Variants in KIAA1217 observed in about 807,000 individuals in gnomAD.
The protein encoded by KIAA1217 is sickle tail protein homolog.
In KIAA1217, 88 loss-of-function variants were observed where a neutral mutation model predicts 163.9. That is an observed-to-expected ratio of 0.54 (90% confidence interval 0.45 to 0.64). The LOEUF is 0.64. Ranked by LOEUF, KIAA1217 falls within the 30% of genes least tolerant of loss-of-function variation. The pLI, the probability that KIAA1217 is intolerant of heterozygous loss-of-function variation, is 0.00. For missense variants in KIAA1217, 2,372 were observed against 2,475.0 expected (o/e 0.96, Z 0.88); for synonymous variants, 903 against 923.1 (o/e 0.98, Z 0.39).
chr10:24,419,788 T>C (rs919211688), intron 3 of KIAA1217, among the ~76,000 whole-genome samples: 2 of 152,152 alleles, frequency 1.3e-5, no homozygotes, highest in Admixed American at 1.3e-4. Flanking sequence ...CATGCACATT[T>C]TGGGCTTCCA....
At chr10:24,348,090 C>T (rs757780370) in intron 2 of KIAA1217, among the ~76,000 whole-genome samples, 13 of 152,190 alleles carry the variant, frequency 8.5e-5, no homozygotes, top group Non-Finnish European at 1.8e-4. Flanking sequence ...GGTGCAGTGG[C>T]TCACGCCTGT....
intron 1 of KIAA1217, among the ~76,000 whole-genome samples, chr10:23,857,358 A>G (rs572748912): frequency 1.9e-4 from 29 of 152,336 alleles, no homozygotes; most frequent in African/African-American, 7.0e-4. Context: ...TTAGAGAGAA[A>G]AAGGACAGGA....
chr10:24,391,208 G>A (rs769805568), intron 3 of KIAA1217, among the ~76,000 whole-genome samples: 75 of 152,048 alleles, frequency 4.9e-4, no homozygotes, highest in Non-Finnish European at 9.1e-4. Flanking sequence ...TGACAAAGGT[G>A]TCAACCCTCA....
Position 24,219,623 on chromosome 10 carries a change from C to A in KIAA1217, c.71-3C>A. ...TTGTGAACCGAATTTTTTTGTCTTT[C>A]AGAACAAGGCAAAGGCAATCTGCAT... On this transcript the variant is annotated splice_region_variant and splice_polypyrimidine_tract_variant and intron_variant, in intron 1 of 20. Transcript: ENST00000376454. 1 of 1,566,364 alleles carries A rather than the reference C, an allele frequency of 6.4e-7. No homozygotes were observed. Among genetic ancestry groups the A allele is most frequent in the Non-Finnish European group, 8.7e-7 (1 of 1,155,834 alleles).
In KIAA1217 at chr10:24,422,426, A is replaced by G. The variant is rs1395435985; in HGVS notation, c.554-10569A>G. ...ATTCGTAATTAGAATAGTGTTCCTC[A>G]CAGCATTTTCTTATAATATTTTCTC... On this transcript the variant is annotated intron_variant, in intron 3 of 20. Transcript: ENST00000376454. Among the ~76,000 whole-genome samples the G allele has an allele frequency of 2.0e-5, 3 of 151,884 alleles. No individual in the cohort carries two copies. In the South Asian group the frequency reaches 6.2e-4, roughly 32 times the overall value.
intron 2 of KIAA1217, among the ~76,000 whole-genome samples, chr10:24,150,906 A>G (rs1024746426): frequency 2.0e-5 from 3 of 152,186 alleles, no homozygotes; most frequent in African/African-American, 7.2e-5. Context: ...CTGAGGCAGC[A>G]TGCTCCTGGC....
At chr10:23,859,442 AG>A (rs1564484324) in intron 1 of KIAA1217, among the ~76,000 whole-genome samples, 3 of 152,232 alleles carry the variant, frequency 2.0e-5, no homozygotes, top group African/African-American at 7.2e-5. Flanking sequence ...TTTCTAATCT[AG>A]GTTGAAATAA....
chr10:23,942,902 G>A (rs554542595), intron 1 of KIAA1217, among the ~76,000 whole-genome samples: 1 of 148,602 alleles, frequency 6.7e-6, no homozygotes, highest in South Asian at 2.2e-4. Context: ...GAGGCCAGGA[G>A]TTCAAGATCA....
At chr10:23,774,511 G>A (rs139424816) in intron 1 of KIAA1217, among the ~76,000 whole-genome samples, 77 of 152,306 alleles carry the variant, frequency 5.1e-4, no homozygotes, top group African/African-American at 1.8e-3. Flanking sequence ...GGATGACCTG[G>A]GGCCCACTGC....
In KIAA1217 at chr10:24,542,774, A is replaced by G; in HGVS notation, c.3612+4A>G. The stretch of plus-strand genomic sequence containing the variant: ...CCCCCAAATGGAATTCCAAAAGGTG[A>G]GTTCACCAGATCTGGGTTCCGACCA... On this transcript the variant is annotated splice_donor_region_variant and intron_variant, in intron 18 of 20. Coordinates refer to ENST00000376454, the MANE Select transcript of KIAA1217 (RefSeq NM_019590.5). 6.2e-7 allele frequency: 1 copy of G among 1,613,888 alleles called. No homozygotes were observed. The highest frequency in any genetic ancestry group is 1.7e-5 in the Admixed American group (1 of 60,034).
At chr10:24,395,407 C>T (rs1182582866) in intron 3 of KIAA1217, among the ~76,000 whole-genome samples, 1 of 152,190 alleles carries the variant, frequency 6.6e-6, no homozygotes, top group Non-Finnish European at 1.5e-5. Context: ...AAGGATTTCC[C>T]ACACCAGTGT....
intron 2 of KIAA1217, among the ~76,000 whole-genome samples, chr10:24,351,304 T>A (rs2048431243): frequency 6.6e-6 from 1 of 152,316 alleles, no homozygotes. Context: ...AAAATTTCTA[T>A]CTGGTTTTCT....
Position 23,772,604 on chromosome 10 carries a change from C to G in KIAA1217, c.-321+77370C>G, listed in dbSNP as rs191823608. ...AGTTTATAAATTCAGAAATGTGATA[C>G]TCTGGGTGGAAGGCCACACATCTCT... On this transcript the variant is annotated intron_variant, in intron 1 of 18. Coordinates refer to the KIAA1217 transcript ENST00000376462. Among the ~76,000 whole-genome samples the G allele has an allele frequency of 6.8e-4, 103 of 152,202 alleles. 1 individual carries two copies. The highest frequency in any genetic ancestry group is 2.1e-3 in the African/African-American group (89 of 41,544).
At chr10:24,454,361 A>T (rs1419502304) in intron 5 of KIAA1217, among the ~76,000 whole-genome samples, 1 of 152,182 alleles carries the variant, frequency 6.6e-6, no homozygotes, top group East Asian at 1.9e-4. Context: ...CGACACATGT[A>T]TTTGATTTCT....
intron 2 of KIAA1217, among the ~76,000 whole-genome samples, chr10:24,130,258 C>T (rs1201186427): frequency 6.6e-6 from 1 of 152,158 alleles, no homozygotes. Flanking sequence ...ACCTCAAGCT[C>T]CTGGGCTACT....
rs908492411 is a variant in KIAA1217 at position 24,232,935 on chromosome 10, C to CAAAAAAAAAAA, written c.354+13043_354+13053dup. Among the ~76,000 whole-genome samples, 345 of 56,144 alleles carry CAAAAAAAAAAA rather than the reference C, an allele frequency of 6.1e-3. 1 individual carries two copies. Among genetic ancestry groups the CAAAAAAAAAAA allele is most frequent in the Middle Eastern group, 0.028 (1 of 36 alleles). The allele number at this position is 56,144 out of a possible 152,430, so 36.8% of individuals were successfully genotyped here. A position where few individuals can be genotyped will look rare whatever the true frequency, so the allele number is the denominator to read the frequency against. On this transcript the variant is annotated intron_variant, in intron 2 of 20. Coordinates refer to ENST00000376454, the MANE Select transcript of KIAA1217 (RefSeq NM_019590.5). ...GCAACATGGTAAAACCTTATCTCTA[C>CAAAAAAAAAAA]AAAAAAAAAAAAAAAAAAAAAAAAA...
At chr10:23,833,137 T>C (rs1165101509) in intron 1 of KIAA1217, among the ~76,000 whole-genome samples, 2 of 152,138 alleles carry the variant, frequency 1.3e-5, no homozygotes, top group Non-Finnish European at 2.9e-5. Context: ...AGTATATCTG[T>C]AAAATGGAGA....
At chr10:24,024,109 C>T (rs151194619) in intron 2 of KIAA1217, among the ~76,000 whole-genome samples, 47 of 151,492 alleles carry the variant, frequency 3.1e-4, no homozygotes, top group Middle Eastern at 3.4e-3. Flanking sequence ...ATGTTAAAAT[C>T]TCCTAAGTTT....
At chr10:24,304,403 G>T (rs893738578) in intron 2 of KIAA1217, among the ~76,000 whole-genome samples, 1 of 151,710 alleles carries the variant, frequency 6.6e-6, no homozygotes, top group African/African-American at 2.4e-5. Context: ...TATTATCCAG[G>T]CTGGACTGCA....
Sources: gnomAD v4.1 joint callset for allele counts (sites outside exome capture counted in the v4.1 genomes callset) on GRCh38, gnomAD v4.1.1 for gene constraint, MANE v1.5 for transcripts, NCBI Gene and HGNC (gene_info 2026-07-23, HGNC 2026-07-21) for gene names.